The following FAM118B variants were observed in gnomAD, a reference collection of about 807,000 sequenced individuals.
FAM118B encodes SIR2 antiphage like 1, also known as protein FAM118B.
In FAM118B, 24 loss-of-function variants were observed where a neutral mutation model predicts 38.5. The ratio of observed to expected loss-of-function variants is 0.62; its 90% CI spans 0.45 to 0.88. FAM118B has a LOEUF of 0.88. FAM118B is among the 40% of genes least tolerant of loss of function. FAM118B has a pLI of 0.00. For missense variants in FAM118B, 334 were observed against 420.0 expected, an observed-to-expected ratio of 0.80 and a Z score of 1.79; for synonymous variants, 138 against 156.3, an observed-to-expected ratio of 0.88 and a Z score of 0.87.
intron 1 of FAM118B, among the ~76,000 whole-genome samples, chr11:126,217,733 T>G (rs2135124388): frequency 6.6e-6 from 1 of 152,370 alleles, no homozygotes; most frequent in East Asian, 1.9e-4. Context: ...GGCTTATGTC[T>G]TTATTTTTTA....
chr11:126,235,019 C>G lies in FAM118B; in HGVS notation c.18C>G (p.Ser6Arg). The change falls in exon 3 of 9, where the codon AGC becomes AGG. Residue 6 changes from serine to arginine, a missense_variant. Physicochemically the swap from Ser to Arg is moderately radical, Grantham distance 110 (BLOSUM62 -1). This residue lies in a region of FAM118B where 240 missense variants were observed against 295.9 expected (regional missense o/e 0.81). Transcript: ENST00000533050. ...GAAACTGGATGGCTTCTACAGGGAG[C>G]CAGGCCTCTGATATAGACGAGATTT... The part of the protein sequence containing the change: MASTG[S>R]QASDIDEIFG... The G allele has an allele frequency of 1.9e-6, 3 of 1,613,954 alleles. No homozygotes were observed. Among genetic ancestry groups the G allele is most frequent in the Non-Finnish European group, 1.7e-6 (2 of 1,179,926 alleles).
chr11:126,254,984 T>C (rs1009812725), intron 6 of FAM118B, among the ~76,000 whole-genome samples: 2 of 152,246 alleles, frequency 1.3e-5, no homozygotes, highest in South Asian at 2.1e-4. Flanking sequence ...CATGTCATCA[T>C]TGGCATCATC....
intron 1 of FAM118B, among the ~76,000 whole-genome samples, chr11:126,225,906 A>G (rs1950134049): frequency 6.6e-6 from 1 of 152,178 alleles, no homozygotes; most frequent in South Asian, 2.1e-4. Context: ...CTTGAACCCA[A>G]GGAGATGGAG....
intron 1 of FAM118B, among the ~76,000 whole-genome samples, chr11:126,218,693 G>A (rs974914541): frequency 5.3e-5 from 8 of 152,126 alleles, no homozygotes; most frequent in African/African-American, 1.9e-4. Flanking sequence ...GTTATTTTAA[G>A]TTCCCAGCGT....
At position 126,255,549 on chromosome 11, in the gene FAM118B, G is replaced by A. The variant is rs1565340119; in HGVS notation, c.697-1018G>A. 6.6e-6 allele frequency among the ~76,000 whole-genome samples: 1 copy of A among 152,086 alleles called. No individual in the cohort carries two copies. Among genetic ancestry groups the A allele is most frequent in the Non-Finnish European group, 1.5e-5 (1 of 68,034 alleles). On this transcript the variant is annotated intron_variant, in intron 6 of 8. Coordinates refer to ENST00000533050, the MANE Select transcript of FAM118B (RefSeq NM_024556.4). This position sits in a 1 kb window ranked among gnomAD's most constrained non-coding sequence, Gnocchi z 4.6. ...CAAACGCCTTTCCTTGAGCAAATCC[G>A]ATGATGGAATTATCTTCTCTGGTGA...
At chr11:126,218,348 C>G (rs1309597104) in intron 1 of FAM118B, among the ~76,000 whole-genome samples, 1 of 152,176 alleles carries the variant, frequency 6.6e-6, no homozygotes, top group Non-Finnish European at 1.5e-5. Flanking sequence ...GATGAATCCA[C>G]AAGTCTTTCC....
At chr11:126,222,107 T>C (rs1368363107) in intron 1 of FAM118B, among the ~76,000 whole-genome samples, 1 of 152,262 alleles carries the variant, frequency 6.6e-6, no homozygotes, top group Admixed American at 6.5e-5. Flanking sequence ...CCATGTCTAA[T>C]GTGTAATAGT....
intron 5 of FAM118B, among the ~76,000 whole-genome samples, chr11:126,251,367 G>T (rs930262275): frequency 6.6e-6 from 1 of 152,162 alleles, no homozygotes; most frequent in Admixed American, 6.6e-5. Context: ...CCAATTTAGA[G>T]CCCAACTAAG....
intron 1 of FAM118B, among the ~76,000 whole-genome samples, chr11:126,216,067 G>A (rs534355033): frequency 6.6e-6 from 1 of 151,824 alleles, no homozygotes; most frequent in South Asian, 2.1e-4. Flanking sequence ...AGTAATAAAA[G>A]ATTTGGAATT....
chr11:126,226,103 G>A (rs1950137812), intron 1 of FAM118B, among the ~76,000 whole-genome samples: 1 of 151,768 alleles, frequency 6.6e-6, no homozygotes, highest in Non-Finnish European at 1.5e-5. Flanking sequence ...AGTTAGAAAG[G>A]CCAGAAAGGA....
intron 3 of FAM118B, among the ~76,000 whole-genome samples, chr11:126,240,350 T>TA (rs1950339531): frequency 6.6e-6 from 1 of 152,142 alleles, no homozygotes; most frequent in African/African-American, 2.4e-5. Context: ...CCTAGTGTTT[T>TA]ACATTTCTCA....
intron 1 of FAM118B, among the ~76,000 whole-genome samples, chr11:126,228,144 C>G (rs1306649371): frequency 1.3e-5 from 2 of 151,796 alleles, no homozygotes; most frequent in African/African-American, 4.8e-5. Context: ...TGGAAATCCT[C>G]AAGGAAGTGA....
chr11:126,216,908 A>T (rs1949986028), intron 1 of FAM118B, among the ~76,000 whole-genome samples: 2 of 152,256 alleles, frequency 1.3e-5, no homozygotes, highest in South Asian at 4.1e-4. Flanking sequence ...TTTCCAGCTT[A>T]GGCTCACAGG....
At chr11:126,220,903 T>C (rs1950055041) in intron 1 of FAM118B, among the ~76,000 whole-genome samples, 2 of 152,002 alleles carry the variant, frequency 1.3e-5, no homozygotes, top group Non-Finnish European at 1.5e-5. Flanking sequence ...AAGAGAATAG[T>C]AGGCCGGGCG....
intron 5 of FAM118B, among the ~76,000 whole-genome samples, chr11:126,251,977 T>G (rs1950510039): frequency 6.9e-6 from 1 of 145,004 alleles, no homozygotes; most frequent in Non-Finnish European, 1.5e-5. Context: ...CCTGGCCGTT[T>G]TGTTTTGTTT....
intron 4 of FAM118B, among the ~76,000 whole-genome samples, chr11:126,247,909 C>A (rs988456575): frequency 6.3e-5 from 9 of 143,290 alleles, no homozygotes; most frequent in African/African-American, 2.3e-4. Context: ...ATACGTATAT[C>A]TATATAGATA....
Position 126,252,658 on chromosome 11 carries a change from G to A in FAM118B, c.568-1647G>A, listed in dbSNP as rs1244963269. ...CTTGGGAGGCTGAAGCAGGACGATC[G>A]ATTGAGCTGAGGCAGTCGAGGCTAC... On this transcript the variant is annotated intron_variant, in intron 5 of 8. Transcript: ENST00000533050. The surrounding 1 kb of genome is among the most constrained non-coding windows in gnomAD (Gnocchi z 4.7). 3.3e-5 allele frequency among the ~76,000 whole-genome samples: 5 copies of A among 151,902 alleles called. No individual in the cohort carries two copies. The highest frequency in any genetic ancestry group is 4.2e-4 in the South Asian group (2 of 4,806).
At chr11:126,227,334 T>G (rs1950156712) in intron 1 of FAM118B, among the ~76,000 whole-genome samples, 1 of 152,142 alleles carries the variant, frequency 6.6e-6, no homozygotes, top group Non-Finnish European at 1.5e-5. Context: ...AGTGCTGGGA[T>G]TACAGGCGTG....
At chr11:126,221,702 A>G (rs1043766964) in intron 1 of FAM118B, among the ~76,000 whole-genome samples, 7 of 152,052 alleles carry the variant, frequency 4.6e-5, no homozygotes, top group African/African-American at 1.7e-4. Flanking sequence ...GGGAGTATGT[A>G]AAGGGAATAG....
Sources: allele counts gnomAD v4.1 joint callset (sites outside exome capture counted in the v4.1 genomes callset), GRCh38; gene constraint gnomAD v4.1.1; regional missense constraint gnomAD v4.1.1; non-coding constraint Gnocchi (gnomAD v3.1); transcripts MANE v1.5; gene names NCBI Gene and HGNC (gene_info 2026-07-23, HGNC 2026-07-21).